Variants in ADARB1 observed in about 807,000 individuals in gnomAD.
The protein encoded by ADARB1 is double-stranded RNA-specific editase 1.
In ADARB1, 10 loss-of-function variants were observed where a neutral mutation model predicts 52.4. That is an observed-to-expected ratio of 0.19 (90% confidence interval 0.12 to 0.32). The LOEUF (loss-of-function observed/expected upper bound fraction) is 0.32, where lower values mean the gene tolerates loss of function less well. ADARB1 is among the 10% of genes least tolerant of loss of function. ADARB1 has a pLI of 1.00. For synonymous variants in ADARB1, 349 were observed against 371.1 expected (o/e 0.94, Z 0.68); for missense variants, 643 against 922.3 (o/e 0.70, Z 3.92).
intron 9 of ADARB1, among the ~76,000 whole-genome samples, chr21:45,218,982 A>G (rs142736717): frequency 1.9e-4 from 29 of 152,238 alleles, no homozygotes; most frequent in Non-Finnish European, 2.9e-5. Flanking sequence ...ATGCAGATAC[A>G]TGTATTCAAT....
At chr21:45,112,125 C>T (rs1248133644) in intron 1 of ADARB1, among the ~76,000 whole-genome samples, 1 of 152,202 alleles carries the variant, frequency 6.6e-6, no homozygotes, top group African/African-American at 2.4e-5. Flanking sequence ...ATTCTGGACT[C>T]TCTGAGATGC....
chr21:45,127,201 G>C (rs529408647), intron 1 of ADARB1, among the ~76,000 whole-genome samples: 1 of 152,278 alleles, frequency 6.6e-6, no homozygotes, highest in South Asian at 2.1e-4. Context: ...CTGAAGGTCA[G>C]AGGCCAACGT....
chr21:45,205,043 G>A, intron 9 of ADARB1, among the ~76,000 whole-genome samples: 1 of 152,156 alleles, frequency 6.6e-6, no homozygotes, highest in East Asian at 1.9e-4. Context: ...TGGATTGCTT[G>A]AGCCCAGAAG....
At chr21:45,130,764 C>T (rs1023408588) in intron 2 of ADARB1, among the ~76,000 whole-genome samples, 1 of 152,158 alleles carries the variant, frequency 6.6e-6, no homozygotes, top group East Asian at 1.9e-4. Flanking sequence ...TTTTTAGTTT[C>T]AGGCAGACTC....
At chr21:45,206,831 C>G (rs1168476091) in intron 9 of ADARB1, among the ~76,000 whole-genome samples, 1 of 152,178 alleles carries the variant, frequency 6.6e-6, no homozygotes, top group Non-Finnish European at 1.5e-5. Flanking sequence ...ACCTCAGCCT[C>G]TCAAAGTGCT....
At chr21:45,096,153 C>T (rs907589006) in intron 1 of ADARB1, among the ~76,000 whole-genome samples, 11 of 152,240 alleles carry the variant, frequency 7.2e-5, no homozygotes, top group Admixed American at 1.3e-4. Context: ...GCCCCTTCCA[C>T]GTGGCAGGAG....
chr21:45,091,584 A>C (rs1408187038), intron 1 of ADARB1, among the ~76,000 whole-genome samples: 1 of 152,202 alleles, frequency 6.6e-6, no homozygotes. Context: ...GAGGGAGAGC[A>C]ATAGGGATAT....
chr21:45,222,727 C>T lies in ADARB1; in HGVS notation c.*530C>T, dbSNP rs577402028. 4.0e-5 allele frequency: 39 copies of T among 986,076 alleles called. No individual in the cohort carries two copies. Among genetic ancestry groups the T allele is most frequent in the East Asian group, 1.1e-4 (1 of 8,816 alleles). The allele number at this position is 986,076 out of a possible 1,614,324, so 61.1% of individuals were successfully genotyped here. A position where few individuals can be genotyped will look rare whatever the true frequency, so the allele number is the denominator to read the frequency against. On this transcript the variant is annotated 3_prime_UTR_variant, in exon 11 of 11. Coordinates refer to ENST00000348831, the MANE Select transcript of ADARB1 (RefSeq NM_001112.4). Reference sequence around the variant, plus strand: ...TAGTAGCCTAAAGGAAATCGCCACACGTCTGTCTAAACTTAGGTCTCTTTT... The same window carrying T: ...TAGTAGCCTAAAGGAAATCGCCACATGTCTGTCTAAACTTAGGTCTCTTTT...
intron 2 of ADARB1, among the ~76,000 whole-genome samples, chr21:45,168,277 GTTTTTTCATC>G (rs1324666707): frequency 6.6e-6 from 1 of 151,984 alleles, no homozygotes; most frequent in Non-Finnish European, 1.5e-5. Flanking sequence ...TCTGTAGCTT[GTTTTTTCATC>G]TTTTTAACAG....
rs150625168 is a variant in ADARB1 at position 45,222,137 on chromosome 21, G to A, written c.2046G>A (p.Ala682=). The change falls in exon 11 of 11, where the codon GCG becomes GCA. Residue 682 remains alanine, a synonymous_variant. Coordinates refer to ENST00000348831, the MANE Select transcript of ADARB1 (RefSeq NM_001112.4). ...KARLFTAFIK[A]GLGAWVEKPT... ...GTCTGTTCACAGCCTTCATCAAGGCGGGGCTGGGGGCCTGGGTGGAGAAGC... is the reference window on the plus strand; with the variant it reads ...GTCTGTTCACAGCCTTCATCAAGGCAGGGCTGGGGGCCTGGGTGGAGAAGC... 2.2e-4 allele frequency: 356 copies of A among 1,609,964 alleles called. No homozygotes were observed. Among genetic ancestry groups the A allele is most frequent in the Middle Eastern group, 5.0e-4 (3 of 6,058 alleles).
At chr21:45,101,401 T>C (rs553877991) in intron 1 of ADARB1, among the ~76,000 whole-genome samples, 40 of 152,228 alleles carry the variant, frequency 2.6e-4, no homozygotes, top group Non-Finnish European at 4.6e-4. Context: ...GCAGAGGATC[T>C]CTCCAGACAC....
chr21:45,218,165 C>T (rs935608922), intron 9 of ADARB1, among the ~76,000 whole-genome samples: 1 of 152,228 alleles, frequency 6.6e-6, no homozygotes, highest in Non-Finnish European at 1.5e-5. Context: ...TCTCTCCTCA[C>T]CGTCATGAAA....
intron 1 of ADARB1, among the ~76,000 whole-genome samples, chr21:45,078,573 C>T (rs934829403): frequency 3.9e-5 from 6 of 152,166 alleles, no homozygotes; most frequent in African/African-American, 9.7e-5. Context: ...AGGGAACTCT[C>T]GGGTGAAAGT....
intron 9 of ADARB1, among the ~76,000 whole-genome samples, chr21:45,213,202 C>T (rs532334412): frequency 6.7e-4 from 102 of 152,302 alleles, no homozygotes; most frequent in African/African-American, 2.4e-3. Context: ...TTTAAAGCTT[C>T]ATATCTGATT....
chr21:45,079,270 C>T (rs747400470), intron 1 of ADARB1, among the ~76,000 whole-genome samples: 2 of 152,292 alleles, frequency 1.3e-5, no homozygotes, highest in Non-Finnish European at 1.5e-5. Context: ...TCTTGTTACC[C>T]AGCATTCATT....
At chr21:45,160,049 G>A (rs768385324) in intron 2 of ADARB1, among the ~76,000 whole-genome samples, 65 of 152,154 alleles carry the variant, frequency 4.3e-4, no homozygotes, top group Non-Finnish European at 8.1e-4. Flanking sequence ...GACAATTATC[G>A]ATCATAGTAG....
chr21:45,127,243 G>A lies in ADARB1; in HGVS notation c.-219-1159G>A, dbSNP rs1189330424. On this transcript the variant is annotated intron_variant, in intron 1 of 10. Coordinates refer to ENST00000348831, the MANE Select transcript of ADARB1 (RefSeq NM_001112.4). ...ACTTCTTGACACTCTCCACCCAGGC[G>A]TGGTGATTGGGACCGCTGGGGAGGG... Among the ~76,000 whole-genome samples the A allele has an allele frequency of 3.3e-5, 5 of 152,182 alleles. No individual in the cohort carries two copies. The East Asian group carries it at 5.8e-4, about 18-fold the overall frequency.
At chr21:45,105,380 G>T (rs1199848814) in intron 1 of ADARB1, among the ~76,000 whole-genome samples, 2 of 152,150 alleles carry the variant, frequency 1.3e-5, no homozygotes, top group African/African-American at 2.4e-5. Flanking sequence ...GGGATTATAG[G>T]CATGAGCCAC....
At chr21:45,180,887 A>G (rs1292479397) in intron 5 of ADARB1, among the ~76,000 whole-genome samples, 3 of 152,226 alleles carry the variant, frequency 2.0e-5, no homozygotes, top group Non-Finnish European at 2.9e-5. Flanking sequence ...AAAAAGCACA[A>G]TTTAGAACGA....
Sources: gnomAD v4.1 joint callset for allele counts (sites outside exome capture counted in the v4.1 genomes callset) on GRCh38, gnomAD v4.1.1 for gene constraint, MANE v1.5 for transcripts, NCBI Gene and HGNC (gene_info 2026-07-23, HGNC 2026-07-21) for gene names.